MYLK: variants seen among roughly 807,000 people sequenced by gnomAD.
The protein encoded by MYLK is myosin light chain kinase.
In MYLK, 106 loss-of-function variants were observed where a neutral mutation model predicts 203.4. The observed-to-expected ratio is 0.52, with a 90% CI of 0.45 to 0.61. MYLK has a LOEUF of 0.61. MYLK is among the 20% of genes least tolerant of loss of function. The pLI, the probability that MYLK is intolerant of heterozygous loss-of-function variation, is 0.00. For synonymous variants in MYLK, 867 were observed against 959.5 expected (o/e 0.90, Z 1.78); for missense variants, 2,072 against 2,442.3 (o/e 0.85, Z 3.20).
At chr3:123,857,311 G>C (rs1442222222) in intron 2 of MYLK, among the ~76,000 whole-genome samples, 1 of 152,034 alleles carries the variant, frequency 6.6e-6, no homozygotes, top group Non-Finnish European at 1.5e-5. Flanking sequence ...ATACCCAAAG[G>C]ACTATAAATC....
chr3:123,805,032 C>A (rs1205077229), intron 3 of MYLK, among the ~76,000 whole-genome samples: 4 of 152,176 alleles, frequency 2.6e-5, no homozygotes, highest in African/African-American at 7.2e-5. Context: ...AAGACTGTCA[C>A]CAGCCCCAGC....
At chr3:123,715,126 G>A (rs554493889) in intron 13 of MYLK, among the ~76,000 whole-genome samples, 11 of 152,342 alleles carry the variant, frequency 7.2e-5, no homozygotes, top group African/African-American at 1.9e-4. Flanking sequence ...GAGTTTTTCC[G>A]TCCTTGCCAT....
At chr3:123,765,285 C>A (rs1021961789) in intron 4 of MYLK, among the ~76,000 whole-genome samples, 3 of 152,082 alleles carry the variant, frequency 2.0e-5, no homozygotes, top group Non-Finnish European at 4.4e-5. Flanking sequence ...TAATCCAGCA[C>A]TTTGGGAGGC....
intron 4 of MYLK, among the ~76,000 whole-genome samples, chr3:123,760,578 T>A (rs1356513626): frequency 6.6e-6 from 1 of 151,058 alleles, no homozygotes; most frequent in African/African-American, 2.4e-5. Flanking sequence ...AGTCAACAAT[T>A]TTTTTTTTAT....
chr3:123,655,327 T>A (rs1192345923), intron 24 of MYLK, among the ~76,000 whole-genome samples: 1 of 152,166 alleles, frequency 6.6e-6, no homozygotes, highest in East Asian at 1.9e-4. Context: ...TTCTCTCCCC[T>A]CTCAGTCCTT....
At chr3:123,739,359 T>G (rs182451878) in intron 6 of MYLK, among the ~76,000 whole-genome samples, 2 of 152,320 alleles carry the variant, frequency 1.3e-5, no homozygotes, top group East Asian at 3.9e-4. Flanking sequence ...CAGGAGACCA[T>G]GAGCAGAAGA....
intron 2 of MYLK, among the ~76,000 whole-genome samples, chr3:123,875,834 A>C (rs2033115344): frequency 6.6e-6 from 1 of 152,198 alleles, no homozygotes; most frequent in African/African-American, 2.4e-5. Context: ...AACTAGGAAA[A>C]GTTGGTGTGA....
At chr3:123,657,506 T>TG in intron 23 of MYLK, 78 bp from the exon 24 acceptor site, 1 of 1,470,940 alleles carries the variant, frequency 6.8e-7, no homozygotes. Flanking sequence ...ACCTGTGTCA[T>TG]GGGGGGAAGG....
intron 31 of MYLK, chr3:123,622,236 G>A (rs2057906775): frequency 6.6e-6 from 1 of 152,224 alleles, no homozygotes; most frequent in African/African-American, 2.4e-5. Context: ...TCCTGGGCTA[G>A]GAGCCTCTAA....
intron 22 of MYLK, among the ~76,000 whole-genome samples, chr3:123,665,140 G>C (rs1384230918): frequency 2.0e-5 from 3 of 152,190 alleles, no homozygotes; most frequent in Non-Finnish European, 2.9e-5. Flanking sequence ...TCTTAACAAA[G>C]CTGCTATAAC....
chr3:123,778,870 T>C (rs538084463), intron 4 of MYLK, among the ~76,000 whole-genome samples: 86 of 152,312 alleles, frequency 5.6e-4, no homozygotes, highest in Non-Finnish European at 1.1e-3. Context: ...CCCAGTGGCT[T>C]CTGCAGGATC....
chr3:123,858,356 G>A lies in MYLK; in HGVS notation c.-127+18203C>T, dbSNP rs1387569886. Among the ~76,000 whole-genome samples the A allele has an allele frequency of 3.9e-5, 6 of 152,100 alleles. No homozygotes were observed. The East Asian group carries it at 5.8e-4, about 15-fold the overall frequency. On this transcript the variant is annotated intron_variant, in intron 2 of 33. Coordinates refer to ENST00000360304, the MANE Select transcript of MYLK (RefSeq NM_053025.4). ...TTCACCCATTCCCTTTGTCTCTTAG[G>A]TCCCCAGACAGCCTGAGATAGCCAT...
chr3:123,614,673 G>C (rs1171259156), intron 33 of MYLK, among the ~76,000 whole-genome samples: 1 of 152,112 alleles, frequency 6.6e-6, no homozygotes, highest in Non-Finnish European at 1.5e-5. Flanking sequence ...CTGTTGCCTA[G>C]GCTGGAGTGT....
chr3:123,741,154 T>C (rs1192652745), intron 5 of MYLK, among the ~76,000 whole-genome samples: 1 of 152,192 alleles, frequency 6.6e-6, no homozygotes, highest in Non-Finnish European at 1.5e-5. Context: ...GCAGGGAGTT[T>C]ACTGCAAAAG....
intron 23 of MYLK, among the ~76,000 whole-genome samples, chr3:123,659,345 T>C (rs541358546): frequency 2.0e-5 from 3 of 152,162 alleles, no homozygotes; most frequent in African/African-American, 7.2e-5. Flanking sequence ...GAGAAATGGG[T>C]GTTGCAGAAG....
intron 3 of MYLK, among the ~76,000 whole-genome samples, chr3:123,805,562 G>T (rs1311654787): frequency 6.6e-6 from 1 of 152,094 alleles, no homozygotes; most frequent in East Asian, 1.9e-4. Flanking sequence ...CCTAATTCAG[G>T]GTCAAGTCCA....
intron 23 of MYLK, among the ~76,000 whole-genome samples, chr3:123,662,604 T>C (rs1007153988): frequency 6.6e-6 from 1 of 152,244 alleles, no homozygotes; most frequent in Non-Finnish European, 1.5e-5. Flanking sequence ...CTACAACTTC[T>C]AACTTCATAT....
intron 4 of MYLK, among the ~76,000 whole-genome samples, chr3:123,763,298 C>G (rs941904062): frequency 2.0e-5 from 3 of 152,050 alleles, no homozygotes; most frequent in Non-Finnish European, 4.4e-5. Context: ...TAGAGATAAC[C>G]CTCCCGGAAC....
At chr3:123,801,148 T>C (rs2065181866) in intron 3 of MYLK, among the ~76,000 whole-genome samples, 3 of 152,246 alleles carry the variant, frequency 2.0e-5, no homozygotes, top group Admixed American at 2.0e-4. Context: ...CAATCTATTG[T>C]GACATCACAG....
Sources: gnomAD v4.1 joint callset for allele counts (sites outside exome capture counted in the v4.1 genomes callset) on GRCh38, gnomAD v4.1.1 for gene constraint, MANE v1.5 for transcripts, NCBI Gene and HGNC (gene_info 2026-07-23, HGNC 2026-07-21) for gene names.